Variants in KLK2 observed in about 807,000 individuals in gnomAD.
KLK2 encodes the protein kallikrein-2.
A neutral mutation model predicts 23.0 loss-of-function variants in KLK2; 17 were observed. That is an observed-to-expected ratio of 0.74 (90% CI 0.51 to 1.11). The LOEUF (loss-of-function observed/expected upper bound fraction) is 1.11, where lower values mean the gene tolerates loss of function less well. Ranked by LOEUF, KLK2 falls within the 50% of genes least tolerant of loss-of-function variation. The probability of loss-of-function intolerance (pLI) is 0.00; values close to 1 mark genes in which losing one functional copy is unlikely to be tolerated. For missense variants in KLK2, 330 were observed against 325.9 expected (o/e 1.01, Z -0.10); for synonymous variants, 140 against 124.7 (o/e 1.12, Z -0.82).
At chr19:50,876,194 A>C in intron 2 of KLK2, 1 of 494,322 alleles carries the variant, frequency 2.0e-6, no homozygotes, top group Non-Finnish European at 3.6e-6. Context: ...GCTCATCCTA[A>C]TTCTCACTGT....
rs1434880603 is a variant in KLK2, at chr19:50,878,461, G to A, written c.688G>A (p.Gly230Ser). ...TGTGCTTCAAGGTATCACATCATGG[G>A]GCCCTGAGCCATGTGCCCTGCCTGA... ...NGVLQGITSW[G>S]PEPCALPEKP... is the part of the protein sequence containing the mutation. Residue 230 changes from glycine to serine, a missense_variant, in exon 5 of 5, where the codon GGC becomes AGC. By Grantham distance (56) the Gly-to-Ser change is moderately conservative. Transcript: ENST00000325321. 1.9e-6 allele frequency: 3 copies of A among 1,613,898 alleles called. No individual in the cohort carries two copies. Among genetic ancestry groups the A allele is most frequent in the South Asian group, 2.2e-5 (2 of 91,080 alleles).
At chr19:50,875,790 C>A (rs1488122964) in intron 2 of KLK2, 1 of 153,946 alleles carries the variant, frequency 6.5e-6, no homozygotes, top group Non-Finnish European at 1.4e-5. Flanking sequence ...CAGAGCAAGA[C>A]TCCATCTCAG....
chr19:50,878,505 C>T lies in KLK2; in HGVS notation c.732C>T (p.Thr244=), dbSNP rs748025939. ...CALPEKPAVY[T]KVVHYRKWIK... ...TGCCTGAAAAGCCTGCTGTGTACAC[C>T]AAGGTGGTGCATTACCGGAAGTGGA... is the stretch of plus-strand genomic sequence containing the variant. The change falls in exon 5 of 5, where the codon ACC becomes ACT. Residue 244 remains threonine (T), a synonymous_variant. Transcript: ENST00000325321. 1 of 1,614,048 alleles carries T rather than the reference C, an allele frequency of 6.2e-7. No individual in the cohort carries two copies. Among genetic ancestry groups the T allele is most frequent in the Non-Finnish European group, 8.5e-7 (1 of 1,179,948 alleles).
At chr19:50,877,931 C>T (rs1028603036) in intron 4 of KLK2, among the ~76,000 whole-genome samples, 5 of 152,138 alleles carry the variant, frequency 3.3e-5, no homozygotes, top group African/African-American at 9.7e-5. Context: ...CTCTCCCCTC[C>T]ACTCCATCCT....
chr19:50,874,299 TCC>T, intron 1 of KLK2: 1 of 161,162 alleles, frequency 6.2e-6, no homozygotes, highest in African/African-American at 2.4e-5. Context: ...TCCAAAACCT[TCC>T]TCTCCCAGCA....
chr19:50,873,636 G>A, intron 1 of KLK2, 117 bp downstream of exon 1: 1 of 709,210 alleles, frequency 1.4e-6, no homozygotes, highest in Non-Finnish European at 2.4e-6. Flanking sequence ...CCCAGACAAT[G>A]TGCCCCTGAC....
In KLK2 at chr19:50,878,848, A is replaced by G. The variant is rs1041078960; in HGVS notation, c.*289A>G. The stretch of plus-strand genomic sequence containing the variant: ...CTTCTCGCTCAGTTTCAGTGAGGAC[A>G]CACACAAAGACGTGGGTGACCATGT... On this transcript the variant is annotated 3_prime_UTR_variant, in exon 5 of 5. Coordinates refer to ENST00000325321, the MANE Select transcript of KLK2 (RefSeq NM_005551.5). 1 of 341,536 alleles carries G rather than the reference A, an allele frequency of 2.9e-6. No homozygotes were observed. Among genetic ancestry groups the G allele is most frequent in the African/African-American group, 2.0e-5 (1 of 49,204 alleles). 21.2% of individuals were successfully genotyped at this position (341,536 alleles called of 1,614,324 possible).
In KLK2 at chr19:50,876,961, T is replaced by A; in HGVS notation, c.583T>A (p.Phe195Ile). 6.2e-7 allele frequency: 1 copy of A among 1,614,060 alleles called. No homozygotes were observed. Among genetic ancestry groups the A allele is most frequent in the South Asian group, 1.1e-5 (1 of 91,072 alleles). Residue 195 changes from phenylalanine to isoleucine, a missense_variant, in exon 4 of 5, where the codon TTC (phenylalanine) becomes ATC (isoleucine). Coordinates refer to ENST00000325321, the MANE Select transcript of KLK2 (RefSeq NM_005551.5). ...ARAYSEKVTEFMLCAGLWTGG... is the reference protein window; with the variant it reads ...ARAYSEKVTEIMLCAGLWTGG... ...AGCTTACTCTGAGAAGGTGACAGAG[T>A]TCATGTTGTGTGCTGGGCTCTGGAC... is the stretch of plus-strand genomic sequence containing the variant.
At chr19:50,876,209 C>T in intron 2 of KLK2, 1 of 531,772 alleles carries the variant, frequency 1.9e-6, no homozygotes, top group Non-Finnish European at 3.4e-6. Context: ...CACTGTTCTC[C>T]CTTCTGTTTT....
Position 50,877,020 on chromosome 19 carries a change from C to T in KLK2, c.630+12C>T, listed in dbSNP as rs1568503956. On this transcript the variant is annotated intron_variant, in intron 4 of 4. Coordinates refer to ENST00000325321, the MANE Select transcript of KLK2 (RefSeq NM_005551.5). ...AAGACACTTGTGGGGTGAGTCATCC[C>T]TACTCCCAACATCTGGAGGGGAAAG... The T allele has an allele frequency of 6.2e-7, 1 of 1,614,088 alleles. No individual in the cohort carries two copies. Among genetic ancestry groups the T allele is most frequent in the Non-Finnish European group, 8.5e-7 (1 of 1,179,978 alleles).
chr19:50,876,670 T>A lies in KLK2; in HGVS notation c.405T>A (p.Val135=). 6.2e-7 allele frequency: 1 copy of A among 1,614,182 alleles called. No homozygotes were observed. Among genetic ancestry groups the A allele is most frequent in the Non-Finnish European group, 8.5e-7 (1 of 1,180,008 alleles). The part of the protein sequence containing the change: ...RLSEPAKITD[V]VKVLGLPTQE... ...CAGAGCCTGCCAAGATCACAGATGT[T>A]GTGAAGGTCCTGGGCCTGCCCACCC... Residue 135 remains valine, a synonymous_variant, in exon 3 of 5, where the codon GTT becomes GTA. Coordinates refer to ENST00000325321, the MANE Select transcript of KLK2 (RefSeq NM_005551.5).
chr19:50,873,604 G>A (rs979527806), intron 1 of KLK2, 85 bp downstream of exon 1: 26 of 968,570 alleles, frequency 2.7e-5, no homozygotes, highest in African/African-American at 4.9e-5. Context: ...CCCCAGCCTC[G>A]TCCCTTCAGC....
rs139063242 is a variant in KLK2, at chr19:50,874,829, G to A, written c.155G>A (p.Gly52Asp). 2.8e-3 allele frequency: 4,585 copies of A among 1,613,704 alleles called. 5 individuals carry two copies. The highest frequency in any genetic ancestry group is 3.4e-3 in the Non-Finnish European group (4,043 of 1,179,890). Residue 52 changes from glycine (G) to aspartate (D), a missense_variant, in exon 2 of 5, where the codon GGT (glycine) becomes GAT (aspartate). Transcript: ENST00000325321. ...AGTCATGGATGGGCACACTGTGGGG[G>A]TGTCCTGGTGCACCCCCAGTGGGTG... Reference protein sequence around the residue: ...VYSHGWAHCGGVLVHPQWVLT... With the variant: ...VYSHGWAHCGDVLVHPQWVLT...
intron 1 of KLK2, 144 bp downstream of exon 1, chr19:50,873,663 A>C: frequency 1.6e-6 from 1 of 614,446 alleles, no homozygotes; most frequent in Middle Eastern, 3.9e-4. Flanking sequence ...ACATTGCAAT[A>C]GTCCTCATGC....
At position 50,878,730 on chromosome 19, in the gene KLK2, G is replaced by A. The variant is rs1028559383; in HGVS notation, c.*171G>A. Reference sequence around the variant, plus strand: ...TCTGGTGTGGAGTCCAGGGCTGCTAGGAAAAGGAATGGGCAGACACAGGTG... The same window carrying A: ...TCTGGTGTGGAGTCCAGGGCTGCTAAGAAAAGGAATGGGCAGACACAGGTG... On this transcript the variant is annotated 3_prime_UTR_variant, in exon 5 of 5. Transcript: ENST00000325321. 1.7e-6 allele frequency: 1 copy of A among 584,820 alleles called. No homozygotes were observed. The highest frequency in any genetic ancestry group is 3.0e-6 in the Non-Finnish European group (1 of 330,606). 36.2% of individuals were successfully genotyped at this position (584,820 alleles called of 1,614,324 possible).
Position 50,873,467 on chromosome 19 carries a change from T to C in KLK2, c.-7T>C. On this transcript the variant is annotated 5_prime_UTR_variant, in exon 1 of 5. Transcript: ENST00000325321. ...CTCACCACCTGGCCGTGGACACCTG[T>C]GTCAGCATGTGGGACCTGGTTCTCT... The C allele has an allele frequency of 1.3e-6, 2 of 1,595,986 alleles. No homozygotes were observed. The highest frequency in any genetic ancestry group is 1.1e-5 in the South Asian group (1 of 88,462).
chr19:50,874,741 T>C lies in KLK2; in HGVS notation c.67T>C (p.Ser23Pro), dbSNP rs779906920. 1.9e-6 allele frequency: 3 copies of C among 1,611,982 alleles called. No individual in the cohort carries two copies. Among genetic ancestry groups the C allele is most frequent in the Non-Finnish European group, 2.5e-6 (3 of 1,179,446 alleles). ...GCTGAVPLIQ[S>P]RIVGGWECEK... ...CGCAGGTGCCGTGCCCCTCATCCAGTCTCGGATTGTGGGAGGCTGGGAGTG... is the reference window on the plus strand; with the variant it reads ...CGCAGGTGCCGTGCCCCTCATCCAGCCTCGGATTGTGGGAGGCTGGGAGTG... Residue 23 changes from serine to proline, a missense_variant, in exon 2 of 5, where the codon TCT (serine) becomes CCT (proline). Ser to Pro is a moderately conservative substitution (Grantham distance 74). Coordinates refer to ENST00000325321, the MANE Select transcript of KLK2 (RefSeq NM_005551.5).
chr19:50,874,589 G>A (rs2090263191), intron 1 of KLK2, 132 bp from the exon 2 acceptor site: 5 of 677,724 alleles, frequency 7.4e-6, no homozygotes, highest in South Asian at 4.3e-5. Context: ...GCCCTCCCAG[G>A]ACCCCTTGCT....
In KLK2 at chr19:50,880,513, C is replaced by T. The variant is rs1225232803; in HGVS notation, c.*1954C>T. The stretch of plus-strand genomic sequence containing the variant: ...ATATCTGGCAAGATTTTGTGGCACT[C>T]CTGGTTACAGATACTGGGGCAGCAA... On this transcript the variant is annotated 3_prime_UTR_variant, in exon 5 of 5. Coordinates refer to ENST00000325321, the MANE Select transcript of KLK2 (RefSeq NM_005551.5). The T allele has an allele frequency of 4.7e-6, 1 of 213,504 alleles. No individual in the cohort carries two copies. The highest frequency in any genetic ancestry group is 2.3e-5 in the African/African-American group (1 of 44,164). 13.2% of individuals were successfully genotyped at this position (213,504 alleles called of 1,614,324 possible).
Sources: gnomAD v4.1 joint callset for allele counts (sites outside exome capture counted in the v4.1 genomes callset) on GRCh38, gnomAD v4.1.1 for gene constraint, MANE v1.5 for transcripts, NCBI Gene and HGNC (gene_info 2026-07-23, HGNC 2026-07-21) for gene names.